GRHL2: variants seen among roughly 807,000 people sequenced by gnomAD.
GRHL2 encodes grainyhead like transcription factor 2.
GRHL2 carries 21 observed loss-of-function variants against 83.8 expected under a neutral mutation model. The ratio of observed to expected loss-of-function variants is 0.25; its 90% CI spans 0.18 to 0.36. The LOEUF is 0.36. GRHL2 is among the 10% of genes least tolerant of loss of function. The pLI, the probability that GRHL2 is intolerant of heterozygous loss-of-function variation, is 1.00. For missense variants in GRHL2, 623 were observed against 781.8 expected (o/e 0.80, Z 2.42); for synonymous variants, 280 against 278.9 (o/e 1.00, Z -0.04).
intron 4 of GRHL2, among the ~76,000 whole-genome samples, chr8:101,566,501 C>T (rs1161859620): frequency 6.6e-6 from 1 of 150,882 alleles, no homozygotes; most frequent in Non-Finnish European, 1.5e-5. Context: ...TCCAATTTTA[C>T]TCTCCAGCCC....
chr8:101,636,372 C>A (rs541884404), intron 11 of GRHL2, among the ~76,000 whole-genome samples: 3 of 152,278 alleles, frequency 2.0e-5, no homozygotes, highest in East Asian at 3.9e-4. Flanking sequence ...TGCCAGGATA[C>A]CCCGGGCCCC....
chr8:101,526,788 G>C (rs959913963), intron 1 of GRHL2, among the ~76,000 whole-genome samples: 1 of 151,902 alleles, frequency 6.6e-6, no homozygotes, highest in African/African-American at 2.4e-5. Context: ...GCTGTATTTC[G>C]GTATGCAGTC....
At chr8:101,671,189 G>C (rs956078548), downstream of GRHL2, among the ~76,000 whole-genome samples, 1 of 152,228 alleles carries the variant, frequency 6.6e-6, no homozygotes, top group South Asian at 2.1e-4. Context: ...AGTAGGTGCA[G>C]TGCACCCTGC....
At chr8:101,495,681 A>G (rs1413634171) in intron 1 of GRHL2, among the ~76,000 whole-genome samples, 1 of 152,184 alleles carries the variant, frequency 6.6e-6, no homozygotes, top group African/African-American at 2.4e-5. Context: ...GTTACCTACT[A>G]TTTGTAACAC....
chr8:101,636,072 C>T (rs1307859316), intron 11 of GRHL2, among the ~76,000 whole-genome samples: 2 of 152,188 alleles, frequency 1.3e-5, no homozygotes, highest in South Asian at 2.1e-4. Flanking sequence ...TCAAAGGCAA[C>T]AGTCCTGACA....
chr8:101,529,031 C>T (rs1810865245), intron 1 of GRHL2: 1 of 380,476 alleles, frequency 2.6e-6, no homozygotes, highest in African/African-American at 2.2e-5. Flanking sequence ...ATTTTTACCA[C>T]TTTCTTCTCT....
intron 9 of GRHL2, among the ~76,000 whole-genome samples, chr8:101,622,415 A>T (rs1404506363): frequency 2.6e-5 from 4 of 152,306 alleles, no homozygotes; most frequent in Non-Finnish European, 2.9e-5. Context: ...TGATAAAACG[A>T]TGGGTGGTGA....
intron 1 of GRHL2, among the ~76,000 whole-genome samples, chr8:101,515,022 T>TTTCCTTCCTTCCTTCCATCCTTCC (rs1563559166): frequency 7.4e-5 from 11 of 148,328 alleles, no homozygotes; most frequent in Middle Eastern, 3.4e-3. Context: ...CCCCCTTCAT[T>TTTCCTTCCTTCCTTCCATCCTTCC]TTCCTTCCTT....
At chr8:101,556,355 G>T (rs939599043) in intron 3 of GRHL2, among the ~76,000 whole-genome samples, 11 of 152,220 alleles carry the variant, frequency 7.2e-5, no homozygotes, top group Middle Eastern at 3.4e-3. Flanking sequence ...AACAAACAAC[G>T]CAGGCATCAG....
downstream of GRHL2, among the ~76,000 whole-genome samples, chr8:101,672,889 G>T (rs1200795724): frequency 6.6e-6 from 1 of 150,856 alleles, no homozygotes; most frequent in Non-Finnish European, 1.5e-5. Flanking sequence ...AGAGAGTGGG[G>T]GCCAATATTC....
In GRHL2 at chr8:101,558,805, C is replaced by A. The variant is rs1156913048; in HGVS notation, c.671C>A (p.Ala224Asp). Residue 224 changes from alanine (A) to aspartate (D), a missense_variant, in exon 4 of 16, where the codon GCC (alanine) becomes GAC (aspartate). Physicochemically the swap from Ala to Asp is moderately radical, Grantham distance 126. Transcript: ENST00000646743. ...STYSESFKDA[A>D]TEKFRSASVG... ...TACAGCGAGAGCTTCAAGGACGCAG[C>A]CACAGAGGTGAGTCCCAGGCTCCAT... The A allele has an allele frequency of 1.2e-6, 2 of 1,613,866 alleles. No homozygotes were observed. The highest frequency in any genetic ancestry group is 1.1e-5 in the South Asian group (1 of 91,040).
intron 1 of GRHL2, among the ~76,000 whole-genome samples, chr8:101,525,735 G>A (rs537534562): frequency 6.6e-6 from 1 of 152,258 alleles, no homozygotes; most frequent in African/African-American, 2.4e-5. Context: ...TTGGGAGGCC[G>A]AGGTGGGTGG....
At chr8:101,664,616 C>A in intron 15 of GRHL2, 98 bp downstream of exon 15, 1 of 855,594 alleles carries the variant, frequency 1.2e-6, no homozygotes, top group Non-Finnish European at 1.9e-6. Flanking sequence ...AGGTCTGTTG[C>A]CCACTTTTCA....
At chr8:101,658,360 C>A (rs1049099521) in intron 14 of GRHL2, among the ~76,000 whole-genome samples, 5 of 152,194 alleles carry the variant, frequency 3.3e-5, no homozygotes, top group African/African-American at 4.8e-5. Context: ...TCTGTCTCTG[C>A]CACTTACTAG....
intron 7 of GRHL2, among the ~76,000 whole-genome samples, chr8:101,587,019 G>T (rs1411646044): frequency 6.6e-6 from 1 of 151,960 alleles, no homozygotes; most frequent in Non-Finnish European, 1.5e-5. Flanking sequence ...CATAAACAAA[G>T]GTAAATGTCT....
At chr8:101,582,196 C>A (rs1812067386) in intron 7 of GRHL2, among the ~76,000 whole-genome samples, 1 of 149,548 alleles carries the variant, frequency 6.7e-6, no homozygotes. Context: ...CAAGATCACA[C>A]CACTGCACTC....
chr8:101,648,644 C>T (rs541565214), intron 13 of GRHL2, among the ~76,000 whole-genome samples: 4 of 152,274 alleles, frequency 2.6e-5, no homozygotes, highest in South Asian at 2.1e-4. Flanking sequence ...AACCCAGCCC[C>T]GTGGGACTCC....
chr8:101,576,008 G>A (rs1811925928), intron 6 of GRHL2, among the ~76,000 whole-genome samples: 1 of 152,116 alleles, frequency 6.6e-6, no homozygotes, highest in African/African-American at 2.4e-5. Flanking sequence ...CATACTTTAG[G>A]CAAGAGCCAG....
chr8:101,500,983 G>A (rs549700203), intron 1 of GRHL2, among the ~76,000 whole-genome samples: 2 of 152,244 alleles, frequency 1.3e-5, no homozygotes, highest in South Asian at 2.1e-4. Context: ...CATGAGTTTT[G>A]GTGAGCAGTA....
Sources: allele counts gnomAD v4.1 joint callset (sites outside exome capture counted in the v4.1 genomes callset), GRCh38; gene constraint gnomAD v4.1.1; transcripts MANE v1.5; gene names NCBI Gene and HGNC (gene_info 2026-07-23, HGNC 2026-07-21).